ACAD10: variants seen among roughly 807,000 people sequenced by gnomAD.
The protein encoded by ACAD10 is acyl-CoA dehydrogenase family member 10, also known as ACAD-10.
A neutral mutation model predicts 116.8 loss-of-function variants in ACAD10; 112 were observed. The observed-to-expected ratio is 0.96, with a 90% confidence interval of 0.82 to 1.12. The LOEUF (loss-of-function observed/expected upper bound fraction) is 1.12. Among genes scored for constraint, ACAD10 ranks in the 50% most tolerant of loss-of-function variants. ACAD10 has a pLI of 0.00. For synonymous variants in ACAD10, 486 were observed against 510.6 expected (o/e 0.95, Z 0.65); for missense variants, 1,259 against 1,350.2 (o/e 0.93, Z 1.06).
At chr12:111,726,426 AC>A (rs1268380771) in intron 8 of ACAD10, among the ~76,000 whole-genome samples, 4 of 152,196 alleles carry the variant, frequency 2.6e-5, no homozygotes, top group Admixed American at 6.6e-5. Context: ...TACTTATTGA[AC>A]CCTTATTGGA....
chr12:111,748,237 C>T, intron 16 of ACAD10, 80 bp from the exon 17 acceptor site: 1 of 1,562,928 alleles, frequency 6.4e-7, no homozygotes, highest in Non-Finnish European at 8.7e-7. Flanking sequence ...CTGTGCCTTT[C>T]TTGGGCCAGG....
At chr12:111,705,661 A>ATTTT in intron 3 of ACAD10, 77 bp from the exon 4 acceptor site, 2 of 1,232,770 alleles carry the variant, frequency 1.6e-6, no homozygotes, top group Non-Finnish European at 1.1e-6. Context: ...AGGAATAAGC[A>ATTTT]TTTTTTTTTT....
rs568598063 is a variant in ACAD10, at chr12:111,695,789, G to A, written c.187+2893G>A. On this transcript the variant is annotated intron_variant, in intron 2 of 20. Coordinates refer to ENST00000313698, the MANE Select transcript of ACAD10 (RefSeq NM_025247.6). ...AGCACTTTGGGAGGACGAGATGGGC[G>A]GATCACTTGAGGTCATGAGTTTGAG... is the stretch of plus-strand genomic sequence containing the variant. Among the ~76,000 whole-genome samples, 119 of 152,116 alleles carry A rather than the reference G, an allele frequency of 7.8e-4. 2 individuals are homozygous for A. In the South Asian group the frequency reaches 0.011, roughly 15 times the overall value.
chr12:111,750,348 C>T (rs1322369255), intron 18 of ACAD10, among the ~76,000 whole-genome samples: 2 of 149,960 alleles, frequency 1.3e-5, no homozygotes, highest in African/African-American at 2.5e-5. Context: ...TCTCGATCTC[C>T]TGACCTCATG....
At chr12:111,729,749 C>T (rs566707783) in intron 9 of ACAD10, 57 bp from the exon 10 acceptor site, 83 of 1,573,044 alleles carry the variant, frequency 5.3e-5, no homozygotes, top group African/African-American at 4.6e-4. Context: ...TTTTTTTTTC[C>T]GCTACTTTCA....
intron 6 of ACAD10, 29 bp downstream of exon 6, chr12:111,712,686 G>GCT: frequency 6.2e-7 from 1 of 1,609,836 alleles, no homozygotes; most frequent in Non-Finnish European, 8.5e-7. Context: ...TGTTTTGGTA[G>GCT]CTCTCTCCAA....
At chr12:111,727,218 T>C (rs778106428) in intron 8 of ACAD10, among the ~76,000 whole-genome samples, 4 of 150,844 alleles carry the variant, frequency 2.7e-5, no homozygotes, top group Non-Finnish European at 4.4e-5. Flanking sequence ...AGAGCAAGAC[T>C]CCATCTCAAA....
intron 11 of ACAD10, among the ~76,000 whole-genome samples, chr12:111,736,016 A>T (rs893083183): frequency 8.7e-5 from 13 of 149,896 alleles, no homozygotes; most frequent in African/African-American, 3.0e-4. Context: ...AGTAGCTGGG[A>T]TTACAGGCGT....
chr12:111,747,592 G>A (rs1041933513), intron 16 of ACAD10: 6 of 1,394,108 alleles, frequency 4.3e-6, no homozygotes, highest in Non-Finnish European at 5.6e-6. Context: ...TCACAGGGCA[G>A]GGACGTCCCC....
intron 7 of ACAD10, among the ~76,000 whole-genome samples, chr12:111,717,754 C>T (rs796821128): frequency 6.6e-6 from 1 of 151,872 alleles, no homozygotes; most frequent in African/African-American, 2.4e-5. Context: ...GAGATGGGGC[C>T]TCACTATATT....
chr12:111,689,195 AT>A (rs1480285494), intron 1 of ACAD10, among the ~76,000 whole-genome samples: 1 of 151,848 alleles, frequency 6.6e-6, no homozygotes, highest in African/African-American at 2.4e-5. Context: ...ATATCAAAAA[AT>A]ATATATATTT....
intron 13 of ACAD10, 54 bp downstream of exon 13, chr12:111,745,097 C>T (rs769325009): frequency 1.0e-5 from 16 of 1,549,846 alleles, no homozygotes; most frequent in East Asian, 4.5e-5. Context: ...ATACCCTCCC[C>T]GACCCCACCG....
intron 12 of ACAD10, among the ~76,000 whole-genome samples, chr12:111,741,492 A>G (rs1054657355): frequency 2.0e-5 from 3 of 152,200 alleles, no homozygotes; most frequent in Non-Finnish European, 2.9e-5. Context: ...CCTGTGAGCC[A>G]TCGTTGTGGC....
At chr12:111,721,545 G>C in intron 7 of ACAD10, 126 bp from the exon 8 acceptor site, 1 of 815,276 alleles carries the variant, frequency 1.2e-6, no homozygotes, top group South Asian at 1.9e-5. Context: ...TCCAGCCTGG[G>C]TAACAGAGCG....
At chr12:111,728,807 T>C (rs1424049975) in intron 9 of ACAD10, among the ~76,000 whole-genome samples, 1 of 152,006 alleles carries the variant, frequency 6.6e-6, no homozygotes, top group African/African-American at 2.4e-5. Context: ...CTCCTGCCTC[T>C]CCCTCTTGAG....
Position 111,756,589 on chromosome 12 carries a change from T to G in ACAD10, c.*116T>G. 3 of 1,473,794 alleles carry G rather than the reference T, an allele frequency of 2.0e-6. No individual in the cohort carries two copies. The highest frequency in any genetic ancestry group is 2.8e-6 in the Non-Finnish European group (3 of 1,088,648). The allele number at this position is 1,473,794 out of a possible 1,614,324, so 91.3% of individuals were successfully genotyped here. A position where few individuals can be genotyped will look rare whatever the true frequency, so the allele number is the denominator to read the frequency against. On this transcript the variant is annotated 3_prime_UTR_variant, in exon 21 of 21. Transcript: ENST00000313698. ...GCTCCTGCACCCTGCTCAGCAGCTC[T>G]GTCCCGGGACAGTCAGGGTGGACTC...
Position 111,755,668 on chromosome 12 carries a change from G to C in ACAD10, c.2962G>C (p.Ala988Pro), listed in dbSNP as rs1253278748. Residue 988 changes from alanine to proline, a missense_variant and splice_region_variant, in exon 20 of 21, where the codon GCT (alanine) becomes CCT (proline). Physicochemically the swap from Ala to Pro is conservative, Grantham distance 27. Transcript: ENST00000313698. ...AHLMDLAGNKAAALDIAMIKM... is the reference protein window; with the variant it reads ...AHLMDLAGNKPAALDIAMIKM... The stretch of plus-strand genomic sequence containing the variant: ...TGATCGCATCTCCTCCTCCTTACAG[G>C]CTGCAGCCTTGGATATAGCCATGAT... 4 of 1,613,400 alleles carry C rather than the reference G, an allele frequency of 2.5e-6. No homozygotes were observed. Among genetic ancestry groups the C allele is most frequent in the Non-Finnish European group, 3.4e-6 (4 of 1,179,830 alleles).
At chr12:111,717,453 C>G (rs1236571349) in intron 7 of ACAD10, among the ~76,000 whole-genome samples, 50 of 151,776 alleles carry the variant, frequency 3.3e-4, no homozygotes, top group Admixed American at 3.3e-3. Flanking sequence ...TCATAGCTCA[C>G]CTTTAATGAT....
Position 111,744,693 on chromosome 12 carries a change from G to A in ACAD10, c.1765G>A (p.Val589Met). 6.2e-7 allele frequency: 1 copy of A among 1,614,238 alleles called. No homozygotes were observed. The highest frequency in any genetic ancestry group is 8.5e-7 in the Non-Finnish European group (1 of 1,180,036). ...ACAAACTGGAAAGCTGACCGAATTT[G>A]TGTCTAACCTGGCGTGGGATTTCGC... ...AEQTGKLTEF[V>M]SNLAWDFAVK... The change falls in exon 13 of 21, where the codon GTG (valine) becomes ATG (methionine). Residue 589 changes from valine (V) to methionine (M), a missense_variant. Coordinates refer to ENST00000313698, the MANE Select transcript of ACAD10 (RefSeq NM_025247.6).
Sources: gnomAD v4.1 joint callset for allele counts (sites outside exome capture counted in the v4.1 genomes callset) on GRCh38, gnomAD v4.1.1 for gene constraint, MANE v1.5 for transcripts, NCBI Gene and HGNC (gene_info 2026-07-23, HGNC 2026-07-21) for gene names.